The following ANK2 variants were observed in gnomAD, a reference collection of about 807,000 sequenced individuals.
ANK2 encodes the protein ankyrin 2.
In ANK2, 83 loss-of-function variants were observed where a neutral mutation model predicts 360.5. The observed-to-expected ratio is 0.23, with a 90% CI of 0.19 to 0.28. The LOEUF (loss-of-function observed/expected upper bound fraction) is 0.28. Ranked by LOEUF, ANK2 falls within the 10% of genes least tolerant of loss-of-function variation. The probability of loss-of-function intolerance (pLI) is 1.00; values close to 1 mark genes in which losing one functional copy is unlikely to be tolerated. For synonymous variants in ANK2, 1,740 were observed against 1,759.5 expected, an observed-to-expected ratio of 0.99 and a Z score of 0.28; for missense variants, 4,201 against 4,795.7, an observed-to-expected ratio of 0.88 and a Z score of 3.66.
intron 1 of ANK2, chr4:112,904,444 T>C: frequency 7.3e-7 from 1 of 1,365,992 alleles, no homozygotes; most frequent in African/African-American, 1.5e-5. Context: ...TTCTCTTTTT[T>C]ATCCTTTTAG....
At position 113,350,209 on chromosome 4, in the gene ANK2, TA is replaced by T. The variant is rs767572536; in HGVS notation, c.4405-18del. On this transcript the variant is annotated intron_variant, in intron 36 of 45. Coordinates refer to ENST00000357077, the MANE Select transcript of ANK2 (RefSeq NM_001148.6). ...AGGCAGTATTTGTAACCATTCAATT[TA>T]TGTATGTTTTCTTTCAGATCGATAT... The T allele has an allele frequency of 1.2e-6, 2 of 1,605,212 alleles. No homozygotes were observed. The highest frequency in any genetic ancestry group is 2.7e-5 in the African/African-American group (2 of 74,826).
chr4:113,013,203 C>G lies in ANK2; in HGVS notation c.21+108689C>G, dbSNP rs115108957. On this transcript the variant is annotated intron_variant, in intron 2 of 30. Transcript: ENST00000503271. The stretch of plus-strand genomic sequence containing the variant: ...ACTGCGCTCTAATTTATGATTCGTT[C>G]AGAGTGTGTAATCTACAGAACCAGG... Among the ~76,000 whole-genome samples, 1,397 of 152,192 alleles carry G rather than the reference C, an allele frequency of 9.2e-3. 24 individuals carry two copies. The highest frequency in any genetic ancestry group is 0.032 in the African/African-American group (1,322 of 41,530).
At chr4:112,711,194 C>CAAA in the ANK2 span, among the ~76,000 whole-genome samples, 5 of 135,188 alleles carry the variant, frequency 3.7e-5, no homozygotes, top group African/African-American at 1.3e-4. Flanking sequence ...CACACTGTCT[C>CAAA]AAAAAAAAAA....
chr4:112,762,928 A>G, the ANK2 span, among the ~76,000 whole-genome samples: 1 of 152,240 alleles, frequency 6.6e-6, no homozygotes, highest in African/African-American at 2.4e-5. Context: ...TAGTGGCAAT[A>G]ATTTACTGTT....
intron 1 of ANK2, among the ~76,000 whole-genome samples, chr4:112,856,815 G>A (rs2066540368): frequency 6.6e-6 from 1 of 152,224 alleles, no homozygotes; most frequent in Non-Finnish European, 1.5e-5. Context: ...TGGACTAGCT[G>A]TCACAACTGT....
In ANK2 at chr4:112,903,981, A is replaced by G. The variant is rs77786128; in HGVS notation, c.-39-474A>G. On this transcript the variant is annotated intron_variant, in intron 1 of 30. Transcript: ENST00000503271. ...TGTAGATGTTTAACAAATGGCAGTT[A>G]TAAAAGGAAGAAGAAGGGGTAGGCC... Among the ~76,000 whole-genome samples the G allele has an allele frequency of 2.6e-5, 4 of 152,346 alleles. No homozygotes were observed. In the East Asian group the frequency reaches 7.7e-4, roughly 29 times the overall value.
upstream of ANK2, among the ~76,000 whole-genome samples, chr4:113,046,896 A>G (rs1397106847): frequency 6.6e-6 from 1 of 152,206 alleles, no homozygotes; most frequent in African/African-American, 2.4e-5. Context: ...ACTAATTCAT[A>G]AACTGTTGAA....
At chr4:113,059,721 A>G (rs1386167936) in intron 1 of ANK2, among the ~76,000 whole-genome samples, 4 of 152,122 alleles carry the variant, frequency 2.6e-5, no homozygotes, top group Non-Finnish European at 5.9e-5. Flanking sequence ...ATTTTAGATT[A>G]TTCTGAAAAG....
intron 2 of ANK2, among the ~76,000 whole-genome samples, chr4:112,906,494 G>A (rs1042494281): frequency 5.3e-5 from 8 of 152,154 alleles, no homozygotes; most frequent in Non-Finnish European, 1.0e-4. Context: ...TGGGAACAGT[G>A]CAGAAGAAGG....
Position 113,335,993 on chromosome 4 carries a change from T to C in ANK2, c.3527T>C (p.Val1176Ala). The change falls in exon 30 of 46, where the codon GTG (valine) becomes GCG (alanine). Residue 1176 changes from valine (V) to alanine (A), a missense_variant. Coordinates refer to ENST00000357077, the MANE Select transcript of ANK2 (RefSeq NM_001148.6). ...PEGGVLSSTV[V>A]PQVQAVFPEG... Reference sequence around the variant, plus strand: ...GGAGGTGTACTGAGCAGCACAGTGGTGCCCCAGGTGCAGGCCGTCTTCCCA... The same window carrying C: ...GGAGGTGTACTGAGCAGCACAGTGGCGCCCCAGGTGCAGGCCGTCTTCCCA... The C allele has an allele frequency of 6.2e-7, 1 of 1,614,158 alleles. No individual in the cohort carries two copies. Among genetic ancestry groups the C allele is most frequent in the Non-Finnish European group, 8.5e-7 (1 of 1,180,032 alleles).
intron 22 of ANK2, among the ~76,000 whole-genome samples, chr4:113,297,395 T>A (rs1457009385): frequency 6.6e-6 from 1 of 152,152 alleles, no homozygotes; most frequent in Admixed American, 6.5e-5. Context: ...TCTAATTGGG[T>A]ATTACTTTCA....
chr4:113,364,907 A>T, intron 40 of ANK2, 132 bp from the exon 41 acceptor site: 1 of 1,193,654 alleles, frequency 8.4e-7, no homozygotes, highest in Non-Finnish European at 1.2e-6. Flanking sequence ...GCTTATTTTT[A>T]CAAAGACTTT....
intron 1 of ANK2, among the ~76,000 whole-genome samples, chr4:112,850,190 C>T (rs2064332850): frequency 1.3e-5 from 2 of 151,936 alleles, no homozygotes; most frequent in South Asian, 4.2e-4. Context: ...TTGCAGATGG[C>T]ATAATGGTGG....
At chr4:113,330,643 C>T (rs530816184) in intron 27 of ANK2, among the ~76,000 whole-genome samples, 173 bp downstream of exon 27, 2 of 152,198 alleles carry the variant, frequency 1.3e-5, no homozygotes, top group Admixed American at 1.3e-4. Context: ...CACTTACACG[C>T]CTCTTATTTT....
At chr4:112,754,670 G>A in the ANK2 span, among the ~76,000 whole-genome samples, 2 of 152,046 alleles carry the variant, frequency 1.3e-5, no homozygotes, top group Non-Finnish European at 2.9e-5. Context: ...CTCTCATGTG[G>A]CTGCCACCTG....
intron 4 of ANK2, among the ~76,000 whole-genome samples, chr4:113,206,037 G>T (rs986368036): frequency 1.8e-4 from 28 of 151,790 alleles, no homozygotes; most frequent in Admixed American, 1.8e-3. Context: ...TATTTTCAGG[G>T]TTTTCCCCCA....
chr4:112,784,455 T>G, the ANK2 span, among the ~76,000 whole-genome samples: 4 of 150,436 alleles, frequency 2.7e-5, no homozygotes, highest in Non-Finnish European at 5.9e-5. Context: ...CCTCCCAGGT[T>G]CACGCCATTC....
chr4:112,860,116 G>A (rs1039793707), intron 1 of ANK2, among the ~76,000 whole-genome samples: 1 of 152,196 alleles, frequency 6.6e-6, no homozygotes. Context: ...ATTTGATTAA[G>A]TGCCATTTAC....
intron 1 of ANK2, among the ~76,000 whole-genome samples, chr4:113,057,894 T>C (rs1012606322): frequency 4.6e-5 from 7 of 152,276 alleles, no homozygotes; most frequent in Middle Eastern, 6.8e-3. Context: ...CCTTTGGGTT[T>C]TTATTTTATT....
Sources: allele counts gnomAD v4.1 joint callset (sites outside exome capture counted in the v4.1 genomes callset), GRCh38; gene constraint gnomAD v4.1.1; transcripts MANE v1.5; gene names NCBI Gene and HGNC (gene_info 2026-07-23, HGNC 2026-07-21).